EYS: variants seen among roughly 807,000 people sequenced by gnomAD.
EYS encodes protein eyes shut homolog.
In EYS, 250 loss-of-function variants were observed where a neutral mutation model predicts 282.1. The observed-to-expected ratio is 0.89, with a 90% CI of 0.80 to 0.98. EYS has a LOEUF of 0.98. Ranked by LOEUF, EYS falls within the 50% of genes least tolerant of loss-of-function variation. EYS has a pLI of 0.00. For missense variants in EYS, 4,016 were observed against 3,709.0 expected (o/e 1.08, Z -2.15); for synonymous variants, 1,355 against 1,282.9 (o/e 1.06, Z -1.20).
chr6:64,806,841 G>A (rs1053783581), intron 22 of EYS, among the ~76,000 whole-genome samples: 4 of 151,984 alleles, frequency 2.6e-5, no homozygotes, highest in African/African-American at 7.2e-5. Context: ...CTGGAACAGG[G>A]TTTCACATAT....
At chr6:65,175,614 TA>T (rs1765206035) in intron 12 of EYS, among the ~76,000 whole-genome samples, 2 of 151,588 alleles carry the variant, frequency 1.3e-5, no homozygotes, top group East Asian at 3.9e-4. Context: ...ACTGGTTTTA[TA>T]AATGAGTAAC....
intron 42 of EYS, among the ~76,000 whole-genome samples, chr6:63,725,638 T>C (rs1435863773): frequency 6.6e-6 from 1 of 152,158 alleles, no homozygotes; most frequent in Non-Finnish European, 1.5e-5. Flanking sequence ...TTGTACTTTT[T>C]CTCTTTGAAA....
At chr6:65,333,171 G>A (rs1392037211) in intron 11 of EYS, among the ~76,000 whole-genome samples, 4 of 151,152 alleles carry the variant, frequency 2.6e-5, no homozygotes, top group South Asian at 2.1e-4. Flanking sequence ...AGGCTATTGA[G>A]GTATTTACAG....
intron 19 of EYS, among the ~76,000 whole-genome samples, chr6:64,841,443 A>G (rs1174018327): frequency 2.0e-5 from 3 of 152,162 alleles, no homozygotes; most frequent in Non-Finnish European, 4.4e-5. Context: ...TGTGTTATTT[A>G]TATTTCTACC....
At chr6:64,863,005 G>C (rs2150049481) in intron 19 of EYS, among the ~76,000 whole-genome samples, 1 of 152,122 alleles carries the variant, frequency 6.6e-6, no homozygotes, top group East Asian at 1.9e-4. Flanking sequence ...TTTAGAAAAA[G>C]GATTGGCCAA....
At chr6:64,414,060 T>C (rs115924093) in intron 28 of EYS, among the ~76,000 whole-genome samples, 184 of 152,232 alleles carry the variant, frequency 1.2e-3, no homozygotes, top group African/African-American at 4.3e-3. Context: ...TTCAGAACTG[T>C]GACAATTCAT....
chr6:64,976,162 G>A (rs1324689105), intron 14 of EYS, among the ~76,000 whole-genome samples: 1 of 151,792 alleles, frequency 6.6e-6, no homozygotes, highest in African/African-American at 2.4e-5. Context: ...ACTTTACATT[G>A]TTTGAATATA....
intron 22 of EYS, among the ~76,000 whole-genome samples, chr6:64,720,413 A>G (rs114172313): frequency 0.016 from 2,378 of 152,302 alleles, 62 homozygotes; most frequent in African/African-American, 0.055. Flanking sequence ...TGTGCCCTGT[A>G]AAGTAGAATA....
At chr6:64,714,437 A>C (rs1677067235) in intron 22 of EYS, among the ~76,000 whole-genome samples, 1 of 152,176 alleles carries the variant, frequency 6.6e-6, no homozygotes, top group African/African-American at 2.4e-5. Context: ...ACAAGTTTTT[A>C]AAATTTTCAT....
At chr6:65,375,633 A>G (rs1765336356) in intron 8 of EYS, among the ~76,000 whole-genome samples, 1 of 152,066 alleles carries the variant, frequency 6.6e-6, no homozygotes, top group Admixed American at 6.6e-5. Context: ...AACCTTGACA[A>G]AAGGATACAG....
At chr6:65,463,178 TCTGA>T (rs1282005744) in intron 5 of EYS, among the ~76,000 whole-genome samples, 1 of 152,102 alleles carries the variant, frequency 6.6e-6, no homozygotes, top group Non-Finnish European at 1.5e-5. Flanking sequence ...TCTCTGAGGT[TCTGA>T]CTCTTACTTG....
intron 31 of EYS, among the ~76,000 whole-genome samples, chr6:64,094,867 T>C (rs1255630723): frequency 6.6e-6 from 1 of 152,238 alleles, no homozygotes; most frequent in African/African-American, 2.4e-5. Flanking sequence ...TTTAGATCTT[T>C]CCTTCTTTCC....
chr6:65,424,517 T>A (rs781711136), intron 5 of EYS, among the ~76,000 whole-genome samples: 1 of 152,024 alleles, frequency 6.6e-6, no homozygotes, highest in South Asian at 2.1e-4. Flanking sequence ...CATCCTCTTG[T>A]GCTTGAAAAT....
intron 31 of EYS, among the ~76,000 whole-genome samples, chr6:64,129,241 C>G (rs1361219947): frequency 6.6e-6 from 1 of 152,198 alleles, no homozygotes; most frequent in Non-Finnish European, 1.5e-5. Context: ...GTCCCACCAA[C>G]AGTGTAAAAG....
rs189202002 is a variant in EYS, at chr6:65,029,988, A to T, written c.2137+27626T>A. Reference sequence around the variant, plus strand: ...GCTAGCTTCAGGACACCTCATGGCCACCATGGACATTTGAGCTGACAAGAA... The same window carrying T: ...GCTAGCTTCAGGACACCTCATGGCCTCCATGGACATTTGAGCTGACAAGAA... On this transcript the variant is annotated intron_variant, in intron 13 of 42. Transcript: ENST00000503581. Among the ~76,000 whole-genome samples, 22 of 152,226 alleles carry T rather than the reference A, an allele frequency of 1.4e-4. 1 individual carries two copies. The East Asian group carries it at 3.7e-3, about 25-fold the overall frequency.
intron 29 of EYS, among the ~76,000 whole-genome samples, chr6:64,383,254 T>C (rs997710313): frequency 2.0e-5 from 3 of 152,266 alleles, no homozygotes; most frequent in East Asian, 3.9e-4. Context: ...TGAGCCAAGA[T>C]TGCACCAGTG....
At chr6:65,157,289 A>G (rs1200805396) in intron 12 of EYS, among the ~76,000 whole-genome samples, 1 of 150,966 alleles carries the variant, frequency 6.6e-6, no homozygotes, top group African/African-American at 2.4e-5. Context: ...CTTGATGTAA[A>G]CGATACATTA....
At chr6:63,834,557 A>G (rs962928900) in intron 36 of EYS, among the ~76,000 whole-genome samples, 1 of 150,918 alleles carries the variant, frequency 6.6e-6, no homozygotes, top group African/African-American at 2.5e-5. Context: ...GAAACAACAG[A>G]TGCTGGAGAG....
intron 12 of EYS, among the ~76,000 whole-genome samples, chr6:65,064,154 A>G (rs1330534143): frequency 6.9e-6 from 1 of 144,418 alleles, no homozygotes; most frequent in Non-Finnish European, 1.5e-5. Context: ...TATAGTATAT[A>G]TAACATATAT....
Sources: allele counts gnomAD v4.1 joint callset (sites outside exome capture counted in the v4.1 genomes callset), GRCh38; gene constraint gnomAD v4.1.1; transcripts MANE v1.5; gene names NCBI Gene and HGNC (gene_info 2026-07-23, HGNC 2026-07-21).